Variants in MAML2 observed in about 807,000 individuals in gnomAD.
MAML2 encodes mastermind-like protein 2.
MAML2 carries 22 observed loss-of-function variants against 96.1 expected under a neutral mutation model. The ratio of observed to expected loss-of-function variants is 0.23; its 90% CI spans 0.16 to 0.33. MAML2 has a LOEUF of 0.33. Among genes scored for constraint, MAML2 ranks in the 10% least tolerant of loss-of-function variants. The pLI is 1.00. For synonymous variants in MAML2, 561 were observed against 521.3 expected, an observed-to-expected ratio of 1.08 and a Z score of -1.04; for missense variants, 1,367 against 1,392.4, an observed-to-expected ratio of 0.98 and a Z score of 0.29.
intron 1 of MAML2, among the ~76,000 whole-genome samples, chr11:96,123,626 CAG>C (rs1475294466): frequency 7.2e-5 from 11 of 152,294 alleles, no homozygotes; most frequent in Admixed American, 3.3e-4. Flanking sequence ...ACCAGTTATT[CAG>C]AGTTTCCTCT....
At position 96,092,688 on chromosome 11, in the gene MAML2, C is replaced by T. The variant is rs776093040; in HGVS notation, c.1343G>A (p.Arg448Gln). ...QIAANRQQHARMQQHQQQHQP... is the reference protein window; with the variant it reads ...QIAANRQQHAQMQQHQQQHQP... ...GTGCTGCTGCTGGTGCTGCTGCATC[C>T]GGGCATGCTGCTGACGATTAGCAGC... Residue 448 changes from arginine (R) to glutamine (Q), a missense_variant, in exon 2 of 5, where the codon CGG becomes CAG. Transcript: ENST00000524717. This position sits in a 1 kb window ranked among gnomAD's most constrained non-coding sequence, Gnocchi z 4.1. 23 of 1,613,850 alleles carry T rather than the reference C, an allele frequency of 1.4e-5. No individual in the cohort carries two copies. Among genetic ancestry groups the T allele is most frequent in the East Asian group, 8.9e-5 (4 of 44,874 alleles).
rs1349015268 is a variant in MAML2 at position 96,091,986 on chromosome 11, G to A, written c.2045C>T (p.Ser682Leu). 6.3e-7 allele frequency: 1 copy of A among 1,598,982 alleles called. No homozygotes were observed. The highest frequency in any genetic ancestry group is 8.5e-7 in the Non-Finnish European group (1 of 1,172,468). The part of the protein sequence containing the change: ...QSLPSQPLLR[S>L]PLPLQQKLLL... The stretch of plus-strand genomic sequence containing the variant: ...GAGCTTTTGCTGAAGTGGCAAAGGT[G>A]ACCTTAGCAAAGGCTGGCTTGGTAG... The change falls in exon 2 of 5, where the codon TCA becomes TTA. Residue 682 changes from serine to leucine, a missense_variant. Physicochemically the swap from Ser to Leu is moderately radical, Grantham distance 145 (BLOSUM62 -2). Coordinates refer to ENST00000524717, the MANE Select transcript of MAML2 (RefSeq NM_032427.4).
chr11:96,053,883 G>A (rs1859023930), intron 2 of MAML2, among the ~76,000 whole-genome samples: 1 of 152,084 alleles, frequency 6.6e-6, no homozygotes, highest in African/African-American at 2.4e-5. Flanking sequence ...TATTTTGTCT[G>A]CTCCTTCCCT....
intron 2 of MAML2, among the ~76,000 whole-genome samples, chr11:96,038,164 T>C (rs1858748480): frequency 6.6e-6 from 1 of 152,232 alleles, no homozygotes; most frequent in African/African-American, 2.4e-5. Context: ...GGAATTTTAC[T>C]GTCTTGTGCA....
rs369820151 is a variant in MAML2, at chr11:95,979,598, T to A, written c.2821A>T (p.Thr941Ser). ...GNSQQLRPNL[T>S]HSMASMPPQR... is the part of the protein sequence containing the mutation. ...GGTGGCATGCTTGCCATACTATGGGTTAAATTTGGTCTCAATTGTTGTGAA... is the reference window on the plus strand; with the variant it reads ...GGTGGCATGCTTGCCATACTATGGGATAAATTTGGTCTCAATTGTTGTGAA... Residue 941 changes from threonine (T) to serine (S), a missense_variant, in exon 5 of 5, where the codon ACC becomes TCC. Coordinates refer to ENST00000524717, the MANE Select transcript of MAML2 (RefSeq NM_032427.4). The A allele has an allele frequency of 8.1e-5, 130 of 1,613,930 alleles. No individual in the cohort carries two copies. In the African/African-American group the frequency reaches 1.1e-3, roughly 14 times the overall value.
At chr11:96,264,177 A>G (rs1053528282) in intron 1 of MAML2, among the ~76,000 whole-genome samples, 2 of 152,198 alleles carry the variant, frequency 1.3e-5, no homozygotes, top group African/African-American at 2.4e-5. Context: ...GCCTAGCCCA[A>G]TGCAGAGGTT....
intron 1 of MAML2, among the ~76,000 whole-genome samples, chr11:96,323,388 T>G (rs547111357): frequency 6.6e-6 from 1 of 152,022 alleles, no homozygotes; most frequent in East Asian, 1.9e-4. Context: ...ATGGTATCTT[T>G]AGAATTTCCA....
At chr11:96,060,650 G>A (rs1859143130) in intron 2 of MAML2, among the ~76,000 whole-genome samples, 1 of 152,168 alleles carries the variant, frequency 6.6e-6, no homozygotes, top group African/African-American at 2.4e-5. Context: ...GAGTACAAAT[G>A]TGCTGCAATT....
chr11:96,113,038 T>G (rs1360690761), intron 1 of MAML2, among the ~76,000 whole-genome samples: 1 of 152,038 alleles, frequency 6.6e-6, no homozygotes, highest in Non-Finnish European at 1.5e-5. Flanking sequence ...TATGTTTGGC[T>G]TCATCTTTTA....
At chr11:96,297,267 G>A (rs1434134228) in intron 1 of MAML2, among the ~76,000 whole-genome samples, 1 of 152,080 alleles carries the variant, frequency 6.6e-6, no homozygotes, top group Non-Finnish European at 1.5e-5. Context: ...AAATATTTGA[G>A]ACTTTAATTA....
chr11:96,201,263 A>C (rs1397831495), intron 1 of MAML2, among the ~76,000 whole-genome samples: 1 of 152,180 alleles, frequency 6.6e-6, no homozygotes, highest in Non-Finnish European at 1.5e-5. Flanking sequence ...TTCAAGAAGA[A>C]AAGGAGAAAG....
intron 1 of MAML2, among the ~76,000 whole-genome samples, chr11:96,288,542 CA>C (rs60166307): frequency 0.25 from 20,898 of 83,974 alleles, 925 homozygotes; most frequent in Middle Eastern, 0.36. Context: ...GACTCTGTCT[CA>C]AAAAAAAAAA....
chr11:96,133,010 T>G (rs922285568), intron 1 of MAML2, among the ~76,000 whole-genome samples: 3 of 152,228 alleles, frequency 2.0e-5, no homozygotes, highest in African/African-American at 7.2e-5. Flanking sequence ...ATATGTCTAC[T>G]TAAGTGTTAC....
intron 1 of MAML2, among the ~76,000 whole-genome samples, chr11:96,311,625 T>C (rs2136004639): frequency 6.6e-6 from 1 of 152,278 alleles, no homozygotes; most frequent in East Asian, 1.9e-4. Context: ...AACACAGTCT[T>C]ACATGCAGAA....
At chr11:96,197,425 G>C (rs947315006) in intron 1 of MAML2, among the ~76,000 whole-genome samples, 1 of 152,022 alleles carries the variant, frequency 6.6e-6, no homozygotes, top group African/African-American at 2.4e-5. Flanking sequence ...GACTCTTTGG[G>C]GGCTGGGAGG....
At chr11:96,191,513 G>T (rs1251464024) in intron 1 of MAML2, among the ~76,000 whole-genome samples, 3 of 49,352 alleles carry the variant, frequency 6.1e-5, no homozygotes, top group African/African-American at 2.1e-4. Flanking sequence ...CGGTGGCTCA[G>T]CCCGTAATCC....
At chr11:96,276,388 C>A (rs1035557605) in intron 1 of MAML2, among the ~76,000 whole-genome samples, 6 of 152,146 alleles carry the variant, frequency 3.9e-5, no homozygotes, top group African/African-American at 1.4e-4. Flanking sequence ...ACAGGAAGAA[C>A]AATTTCTTAT....
chr11:96,008,106 T>C (rs1858214984), intron 2 of MAML2, among the ~76,000 whole-genome samples: 2 of 152,328 alleles, frequency 1.3e-5, no homozygotes, highest in Admixed American at 1.3e-4. Context: ...CTGGGAGTAC[T>C]TATTAATGTC....
At chr11:96,042,776 G>A (rs1858836981) in intron 2 of MAML2, among the ~76,000 whole-genome samples, 1 of 127,360 alleles carries the variant, frequency 7.9e-6, no homozygotes, top group East Asian at 2.5e-4. Context: ...ACGGAGTCTA[G>A]CTCTGTCACC....
Sources: gnomAD v4.1 joint callset for allele counts (sites outside exome capture counted in the v4.1 genomes callset) on GRCh38, gnomAD v4.1.1 for gene constraint, Gnocchi (gnomAD v3.1) non-coding constraint, MANE v1.5 for transcripts, NCBI Gene and HGNC (gene_info 2026-07-23, HGNC 2026-07-21) for gene names.